The following RAB3IP variants were observed in gnomAD, a reference collection of about 807,000 sequenced individuals.
RAB3IP encodes the protein rab-3A-interacting protein.
Under a neutral mutation model 59.1 loss-of-function variants are expected in RAB3IP, and 36 were observed. The ratio of observed to expected loss-of-function variants is 0.61; its 90% CI spans 0.47 to 0.80. The LOEUF is 0.80. Among genes scored for constraint, RAB3IP ranks in the 30% least tolerant of loss-of-function variants. The pLI, the probability that RAB3IP is intolerant of heterozygous loss-of-function variation, is 0.00. For synonymous variants in RAB3IP, 207 were observed against 191.2 expected, an observed-to-expected ratio of 1.08 and a Z score of -0.68; for missense variants, 511 against 536.0, an observed-to-expected ratio of 0.95 and a Z score of 0.46.
intron 8 of RAB3IP, among the ~76,000 whole-genome samples, chr12:69,809,952 C>T (rs1880145734): frequency 1.3e-5 from 2 of 152,294 alleles, no homozygotes; most frequent in Non-Finnish European, 2.9e-5. Flanking sequence ...GAGCTGCGTT[C>T]CTTTGGAGGA....
At chr12:69,768,946 TC>T (rs1487970541) in intron 3 of RAB3IP, among the ~76,000 whole-genome samples, 1 of 152,126 alleles carries the variant, frequency 6.6e-6, no homozygotes, top group Non-Finnish European at 1.5e-5. Flanking sequence ...CATCTTGAAT[TC>T]CCATGTGTTG....
At chr12:69,783,541 A>ATAG (rs1208678133) in intron 3 of RAB3IP, among the ~76,000 whole-genome samples, 1 of 152,056 alleles carries the variant, frequency 6.6e-6, no homozygotes, top group Non-Finnish European at 1.5e-5. Flanking sequence ...TACTCCTCTA[A>ATAG]GATGTTTGAG....
intron 3 of RAB3IP, among the ~76,000 whole-genome samples, chr12:69,763,503 T>A (rs1871702675): frequency 1.3e-5 from 2 of 152,252 alleles, no homozygotes; most frequent in African/African-American, 4.8e-5. Flanking sequence ...TAGCCATTGC[T>A]TTGATTGTAC....
chr12:69,795,841 A>G (rs1877356045), intron 6 of RAB3IP: 1 of 158,878 alleles, frequency 6.3e-6, no homozygotes, highest in South Asian at 2.0e-4. Flanking sequence ...ACAATGACAT[A>G]AGGCTGGAAG....
chr12:69,771,225 T>A (rs1176719913), intron 3 of RAB3IP, among the ~76,000 whole-genome samples: 1 of 152,246 alleles, frequency 6.6e-6, no homozygotes, highest in African/African-American at 2.4e-5. Flanking sequence ...TCATTTTGTA[T>A]ATACACTGCA....
intron 1 of RAB3IP, chr12:69,739,910 T>C: frequency 1.2e-6 from 2 of 1,602,892 alleles, no homozygotes; most frequent in East Asian, 2.2e-5. Context: ...TAGTTAGTAC[T>C]GATTACTGAG....
intron 1 of RAB3IP, among the ~76,000 whole-genome samples, chr12:69,747,547 G>A (rs1312764516): frequency 1.3e-5 from 2 of 152,294 alleles, no homozygotes; most frequent in Non-Finnish European, 2.9e-5. Context: ...ACAAGCAACC[G>A]TCCTGTCTTG....
rs1881931451 is a variant in RAB3IP, at chr12:69,823,056, G to C, written c.*7610G>C. The C allele has an allele frequency of 6.6e-6, 1 of 152,064 alleles. No homozygotes were observed. The highest frequency in any genetic ancestry group is 2.4e-5 in the African/African-American group (1 of 41,410). The allele number at this position is 152,064 out of a possible 1,614,324, so 9.4% of individuals were successfully genotyped here. ...TTGAATGTTTCCAACATAAAGAAATGATAAGTGTTTGAGATGATGGATATG... is the reference window on the plus strand; with the variant it reads ...TTGAATGTTTCCAACATAAAGAAATCATAAGTGTTTGAGATGATGGATATG... On this transcript the variant is annotated 3_prime_UTR_variant, in exon 11 of 11. Coordinates refer to ENST00000247833, the MANE Select transcript of RAB3IP (RefSeq NM_022456.5).
At chr12:69,743,145 T>A (rs1036949295) in intron 1 of RAB3IP, among the ~76,000 whole-genome samples, 5 of 152,190 alleles carry the variant, frequency 3.3e-5, no homozygotes, top group African/African-American at 7.2e-5. Context: ...CCTATGAGCA[T>A]AAAGGAGCAT....
chr12:69,816,578 G>A lies in RAB3IP; in HGVS notation c.*1132G>A, dbSNP rs1440109726. 2 of 151,970 alleles carry A rather than the reference G, an allele frequency of 1.3e-5. No individual in the cohort carries two copies. Among genetic ancestry groups the A allele is most frequent in the Non-Finnish European group, 2.9e-5 (2 of 67,980 alleles). The allele number at this position is 151,970 out of a possible 1,614,324, so 9.4% of individuals were successfully genotyped here. On this transcript the variant is annotated 3_prime_UTR_variant, in exon 11 of 11. Transcript: ENST00000247833. ...ATTTAATTGTGTTTGGAGATGAGGT[G>A]GTTTTCAGTTTATTTTTCATATTAT...
At chr12:69,810,585 A>G (rs1880282335) in intron 8 of RAB3IP, among the ~76,000 whole-genome samples, 1 of 152,152 alleles carries the variant, frequency 6.6e-6, no homozygotes, top group South Asian at 2.1e-4. Context: ...AGCAATACAT[A>G]ACAACTGAAG....
At chr12:69,807,655 G>A (rs1215982907) in intron 8 of RAB3IP, among the ~76,000 whole-genome samples, 4 of 149,112 alleles carry the variant, frequency 2.7e-5, no homozygotes, top group African/African-American at 9.9e-5. Flanking sequence ...GGGTGGCCGG[G>A]CAGAGGTGCT....
chr12:69,782,912 G>A (rs1874990112), intron 3 of RAB3IP, among the ~76,000 whole-genome samples: 1 of 151,772 alleles, frequency 6.6e-6, no homozygotes, highest in Non-Finnish European at 1.5e-5. Context: ...ATGACTTTGT[G>A]GTCGTACACT....
intron 1 of RAB3IP, among the ~76,000 whole-genome samples, chr12:69,754,114 A>C (rs78138993): frequency 6.6e-6 from 1 of 152,144 alleles, no homozygotes; most frequent in Non-Finnish European, 1.5e-5. Context: ...TCCCCATTCT[A>C]ATCTCATCAG....
chr12:69,785,889 A>G (rs933367643), intron 4 of RAB3IP, among the ~76,000 whole-genome samples: 2 of 152,196 alleles, frequency 1.3e-5, no homozygotes, highest in African/African-American at 4.8e-5. Context: ...AGGTGAGGGT[A>G]GTACTTCCAT....
At chr12:69,760,478 G>T (rs1871142595) in intron 3 of RAB3IP, among the ~76,000 whole-genome samples, 2 of 152,184 alleles carry the variant, frequency 1.3e-5, no homozygotes, top group Admixed American at 6.5e-5. Flanking sequence ...TCCGTTTGGG[G>T]ACTTGCTCTG....
intron 3 of RAB3IP, among the ~76,000 whole-genome samples, chr12:69,764,547 C>T (rs1288314440): frequency 6.6e-6 from 1 of 152,132 alleles, no homozygotes; most frequent in East Asian, 1.9e-4. Flanking sequence ...ATTACTGTAA[C>T]CTTATAAAAT....
At chr12:69,749,248 G>A (rs893025993) in intron 1 of RAB3IP, among the ~76,000 whole-genome samples, 6 of 152,282 alleles carry the variant, frequency 3.9e-5, no homozygotes, top group South Asian at 2.1e-4. Flanking sequence ...AGTGCGAACC[G>A]TATTGTGAAC....
At chr12:69,759,004 AATTG>A (rs1870729705) in intron 3 of RAB3IP, among the ~76,000 whole-genome samples, 1 of 146,580 alleles carries the variant, frequency 6.8e-6, no homozygotes, top group Non-Finnish European at 1.5e-5. Context: ...TTTTTTTTTT[AATTG>A]ATCATTCTTG....
Sources: allele counts gnomAD v4.1 joint callset (sites outside exome capture counted in the v4.1 genomes callset), GRCh38; gene constraint gnomAD v4.1.1; transcripts MANE v1.5; gene names NCBI Gene and HGNC (gene_info 2026-07-23, HGNC 2026-07-21).